Variants in TTC17 observed in about 807,000 individuals in gnomAD.
TTC17 encodes the protein tetratricopeptide repeat domain 17, also known as tetratricopeptide repeat protein 17.
TTC17 carries 58 observed loss-of-function variants against 143.8 expected under a neutral mutation model. The observed-to-expected ratio is 0.40, with a 90% confidence interval of 0.33 to 0.50. The LOEUF (loss-of-function observed/expected upper bound fraction) is 0.50, where lower values mean the gene tolerates loss of function less well. Ranked by LOEUF, TTC17 falls within the 20% of genes least tolerant of loss-of-function variation. TTC17 has a pLI of 0.49. For synonymous variants in TTC17, 501 were observed against 497.8 expected (o/e 1.01, Z -0.09); for missense variants, 1,273 against 1,392.5 (o/e 0.91, Z 1.37).
In TTC17 at chr11:43,401,435, T is replaced by G. The variant is rs1318223385; in HGVS notation, c.1220-11T>G. 6.3e-7 allele frequency: 1 copy of G among 1,581,290 alleles called. No individual in the cohort carries two copies. On this transcript the variant is annotated splice_polypyrimidine_tract_variant and intron_variant, in intron 9 of 23. Coordinates refer to ENST00000039989, the MANE Select transcript of TTC17 (RefSeq NM_018259.6). The stretch of plus-strand genomic sequence containing the variant: ...TGCTCATCATTTGTGTAATTTCCTT[T>G]CTTATTCCAGGAAATCATCAGATAT...
intron 21 of TTC17, among the ~76,000 whole-genome samples, chr11:43,476,748 C>G (rs1948191212): frequency 6.6e-6 from 1 of 152,230 alleles, no homozygotes; most frequent in Non-Finnish European, 1.5e-5. Context: ...ACTTTTTCCT[C>G]CTGGGCCTCT....
chr11:43,427,294 G>A lies in TTC17; in HGVS notation c.2251+12518G>A, dbSNP rs1947051181. Among the ~76,000 whole-genome samples, 5 of 152,110 alleles carry A rather than the reference G, an allele frequency of 3.3e-5. 1 individual carries two copies. The South Asian group carries it at 8.3e-4, about 25-fold the overall frequency. On this transcript the variant is annotated intron_variant, in intron 16 of 23. Transcript: ENST00000039989. ...TAGCTAGGAAATCTAAGCCCCCTCC[G>A]ACTGTTTGTATGCTTGTTCTGAGTT...
intron 7 of TTC17, 45 bp downstream of exon 7, chr11:43,397,536 T>TG: frequency 7.0e-7 from 1 of 1,438,288 alleles, no homozygotes. Flanking sequence ...GTTGCCACTT[T>TG]CTTTTTTTTT....
intron 16 of TTC17, among the ~76,000 whole-genome samples, chr11:43,418,891 A>G (rs1472150980): frequency 6.6e-6 from 1 of 152,202 alleles, no homozygotes; most frequent in Non-Finnish European, 1.5e-5. Flanking sequence ...TGCAAATTAA[A>G]AAGTTACATC....
At chr11:43,430,709 GCACA>G (rs10658685) in intron 16 of TTC17, among the ~76,000 whole-genome samples, 2,186 of 138,506 alleles carry the variant, frequency 0.016, 36 homozygotes, top group African/African-American at 0.036. Flanking sequence ...CTACATACAC[GCACA>G]CACACACACA....
chr11:43,427,396 C>T (rs60387123), intron 16 of TTC17, among the ~76,000 whole-genome samples: 14,887 of 152,194 alleles, frequency 0.098, 2,471 homozygotes, highest in African/African-American at 0.34. Flanking sequence ...TACTCACTGA[C>T]CGTAAGAACT....
chr11:43,475,033 A>G (rs529346134), intron 21 of TTC17, among the ~76,000 whole-genome samples: 2 of 152,152 alleles, frequency 1.3e-5, no homozygotes, highest in African/African-American at 4.8e-5. Flanking sequence ...ATGGAAGGGG[A>G]GGCAGGAGAG....
intron 16 of TTC17, among the ~76,000 whole-genome samples, chr11:43,442,250 C>T (rs1226976937): frequency 1.3e-5 from 2 of 152,082 alleles, no homozygotes; most frequent in Non-Finnish European, 2.9e-5. Context: ...CATCATTGAC[C>T]AGAACTTCAT....
Position 43,367,716 on chromosome 11 carries a change from G to GTC in TTC17, c.159+8604_159+8605insCT, listed in dbSNP as rs869224221. Among the ~76,000 whole-genome samples the GTC allele has an allele frequency of 1.5e-3, 22 of 14,536 alleles. 1 individual carries two copies. The South Asian group carries it at 0.039, about 26-fold the overall frequency. 9.5% of individuals were successfully genotyped at this position (14,536 alleles called of 152,430 possible). On this transcript the variant is annotated intron_variant, in intron 1 of 23. Transcript: ENST00000039989. The stretch of plus-strand genomic sequence containing the variant: ...AGAAGTGAAAACAAGGGGAATGTCT[G>GTC]TGTGTGTGTGTGTGTGTGTGTGTGT...
At chr11:43,450,976 A>G (rs1947646252) in intron 20 of TTC17, among the ~76,000 whole-genome samples, 1 of 152,146 alleles carries the variant, frequency 6.6e-6, no homozygotes, top group Non-Finnish European at 1.5e-5. Context: ...TACATTCTGT[A>G]ATTTTTGTTA....
intron 21 of TTC17, among the ~76,000 whole-genome samples, chr11:43,452,496 G>A (rs1304713531): frequency 6.6e-6 from 1 of 151,972 alleles, no homozygotes; most frequent in Non-Finnish European, 1.5e-5. Flanking sequence ...GTGAGACTCT[G>A]TCTCAATAAA....
At chr11:43,490,884 C>T (rs967608057) in intron 22 of TTC17, 18 of 130,990 alleles carry the variant, frequency 1.4e-4, no homozygotes, top group Non-Finnish European at 2.3e-4. Context: ...AAAAAAAAAC[C>T]GGCTAACCCT....
chr11:43,427,144 TATC>T (rs139755954), intron 16 of TTC17, among the ~76,000 whole-genome samples: 337 of 152,340 alleles, frequency 2.2e-3, no homozygotes, highest in African/African-American at 7.7e-3. Flanking sequence ...TTGGCCTAAA[TATC>T]ATACTTACTA....
At chr11:43,413,698 A>G (rs1448750305) in intron 15 of TTC17, among the ~76,000 whole-genome samples, 4 of 151,802 alleles carry the variant, frequency 2.6e-5, no homozygotes, top group African/African-American at 9.7e-5. Context: ...AATGGCCAAT[A>G]GGCACCTGAA....
intron 3 of TTC17, 140 bp downstream of exon 3, chr11:43,389,961 A>G (rs1342860237): frequency 1.2e-5 from 8 of 649,066 alleles, no homozygotes; most frequent in African/African-American, 1.9e-5. Context: ...AATACATACT[A>G]CATGTAGAAT....
intron 16 of TTC17, 87 bp downstream of exon 16, chr11:43,414,863 A>G (rs1243655000): frequency 5.6e-6 from 8 of 1,417,114 alleles, no homozygotes; most frequent in Middle Eastern, 1.8e-4. Context: ...GATTTTCTCT[A>G]TTTTACCCAA....
At chr11:43,379,099 T>A in intron 1 of TTC17, 134 bp from the exon 2 acceptor site, 1 of 818,290 alleles carries the variant, frequency 1.2e-6, no homozygotes, top group Non-Finnish European at 2.0e-6. Context: ...TTTGAAATAC[T>A]CCTTGAGTTT....
intron 23 of TTC17, among the ~76,000 whole-genome samples, chr11:43,493,120 GTC>G (rs1234939376): frequency 3.3e-5 from 5 of 152,182 alleles, no homozygotes; most frequent in Non-Finnish European, 7.3e-5. Flanking sequence ...GAGGACTTAT[GTC>G]TCTCATTTGG....
rs1298035805 is a variant in TTC17, at chr11:43,409,897, A to C, written c.2064+2320A>C. On this transcript the variant is annotated intron_variant, in intron 15 of 23. Coordinates refer to ENST00000039989, the MANE Select transcript of TTC17 (RefSeq NM_018259.6). ...TGCTCTGTCACCCAGGCTGTAGTGCAGTGACATGATCTCAGCTCACTGCAA... is the reference window on the plus strand; with the variant it reads ...TGCTCTGTCACCCAGGCTGTAGTGCCGTGACATGATCTCAGCTCACTGCAA... Among the ~76,000 whole-genome samples, 5 of 149,648 alleles carry C rather than the reference A, an allele frequency of 3.3e-5. No homozygotes were observed. The South Asian group carries it at 1.0e-3, about 31-fold the overall frequency.
Sources: gnomAD v4.1 joint callset for allele counts (sites outside exome capture counted in the v4.1 genomes callset) on GRCh38, gnomAD v4.1.1 for gene constraint, MANE v1.5 for transcripts, NCBI Gene and HGNC (gene_info 2026-07-23, HGNC 2026-07-21) for gene names.